The following CCT6B variants were observed in gnomAD, a reference collection of about 807,000 sequenced individuals.
CCT6B encodes chaperonin containing TCP1 subunit 6B.
Under a neutral mutation model 61.5 loss-of-function variants are expected in CCT6B, and 49 were observed. The ratio of observed to expected loss-of-function variants is 0.80; its 90% CI spans 0.63 to 1.01. The LOEUF (loss-of-function observed/expected upper bound fraction) is 1.01, where lower values mean the gene tolerates loss of function less well. CCT6B is among the 50% of genes least tolerant of loss of function. The pLI is 0.00. For synonymous variants in CCT6B, 228 were observed against 214.5 expected (o/e 1.06, Z -0.55); for missense variants, 666 against 634.7 (o/e 1.05, Z -0.53).
chr17:34,947,263 G>A (rs1287212878), intron 5 of CCT6B, among the ~76,000 whole-genome samples: 1 of 152,086 alleles, frequency 6.6e-6, no homozygotes, highest in Non-Finnish European at 1.5e-5. Flanking sequence ...ATAATGGATG[G>A]AAATTTTCCA....
At chr17:34,948,190 T>A (rs186897369) in intron 5 of CCT6B, among the ~76,000 whole-genome samples, 15 of 152,186 alleles carry the variant, frequency 9.9e-5, no homozygotes, top group Non-Finnish European at 4.4e-5. Flanking sequence ...CTTTTATCCC[T>A]CATCCTTCTC....
intron 1 of CCT6B, among the ~76,000 whole-genome samples, chr17:34,960,030 A>AG (rs2090394276): frequency 6.6e-6 from 1 of 152,218 alleles, no homozygotes; most frequent in Admixed American, 6.5e-5. Flanking sequence ...TGCATTTATT[A>AG]GATCACCAAG....
chr17:34,928,905 T>C, intron 13 of CCT6B, 57 bp downstream of exon 13: 1 of 1,006,894 alleles, frequency 9.9e-7, no homozygotes, highest in South Asian at 1.4e-5. Flanking sequence ...AAATTTCATC[T>C]TAATATTATC....
At chr17:34,949,087 G>T (rs953342654) in intron 5 of CCT6B, among the ~76,000 whole-genome samples, 32 of 846 alleles carry the variant, frequency 0.038, no homozygotes, top group East Asian at 0.28. Flanking sequence ...GAGGGGAGGG[G>T]AGGGGAGGGA....
In CCT6B at chr17:34,932,509, G is replaced by T; in HGVS notation, c.1214-9C>A. ...TCCAGGAACCATACAACCTATTGGA[G>T]AGAAAAAATATGATTGGCAAGACAT... On this transcript the variant is annotated splice_polypyrimidine_tract_variant and intron_variant, in intron 10 of 13. Coordinates refer to ENST00000314144, the MANE Select transcript of CCT6B (RefSeq NM_006584.4). 6.3e-7 allele frequency: 1 copy of T among 1,582,388 alleles called. No individual in the cohort carries two copies.
chr17:34,932,233 T>A, intron 11 of CCT6B, 134 bp downstream of exon 11: 1 of 779,808 alleles, frequency 1.3e-6, no homozygotes, highest in East Asian at 2.9e-5. Flanking sequence ...TTGTAAAATA[T>A]CTAAGAGAAA....
intron 12 of CCT6B, among the ~76,000 whole-genome samples, 191 bp downstream of exon 12, chr17:34,930,758 C>G (rs2090026486): frequency 6.6e-6 from 1 of 152,040 alleles, no homozygotes; most frequent in Non-Finnish European, 1.5e-5. Context: ...GTGTGAAGCC[C>G]AAGAGGAAAA....
intron 3 of CCT6B, among the ~76,000 whole-genome samples, chr17:34,956,630 A>G (rs1223616061): frequency 2.6e-5 from 4 of 152,090 alleles, no homozygotes; most frequent in Non-Finnish European, 4.4e-5. Flanking sequence ...GTGGATCCTG[A>G]TTAGTCTAAG....
Position 34,927,878 on chromosome 17 carries a change from T to C in CCT6B, c.*170A>G. 1 of 464,314 alleles carries C rather than the reference T, an allele frequency of 2.2e-6. No individual in the cohort carries two copies. Among genetic ancestry groups the C allele is most frequent in the Non-Finnish European group, 3.9e-6 (1 of 258,974 alleles). 28.8% of individuals were successfully genotyped at this position (464,314 alleles called of 1,614,324 possible). ...ATTATTCCTTTACTGTAAAAGTATT[T>C]ATTGTGTTCTTTATACCTTGATGAA... On this transcript the variant is annotated 3_prime_UTR_variant, in exon 14 of 14. Transcript: ENST00000314144.
chr17:34,951,879 A>C, intron 5 of CCT6B, 71 bp downstream of exon 5: 1 of 665,358 alleles, frequency 1.5e-6, no homozygotes. Flanking sequence ...AAAAGTAAGT[A>C]ATGAATTTAA....
intron 5 of CCT6B, among the ~76,000 whole-genome samples, chr17:34,946,010 A>C (rs1252287658): frequency 6.6e-6 from 1 of 152,232 alleles, no homozygotes; most frequent in Non-Finnish European, 1.5e-5. Context: ...AGCTCATCCA[A>C]GGTGGAGTGT....
At chr17:34,955,097 T>C (rs750116429) in intron 3 of CCT6B, among the ~76,000 whole-genome samples, 2 of 152,128 alleles carry the variant, frequency 1.3e-5, no homozygotes, top group East Asian at 1.9e-4. Context: ...CTAAGTTTAA[T>C]TGAGGAAATA....
At chr17:34,945,296 C>T (rs748877043) in intron 5 of CCT6B, among the ~76,000 whole-genome samples, 1 of 152,180 alleles carries the variant, frequency 6.6e-6, no homozygotes, top group Non-Finnish European at 1.5e-5. Context: ...ATTCTGAATT[C>T]GAGACACATC....
At chr17:34,929,582 C>T (rs543962904) in intron 12 of CCT6B, among the ~76,000 whole-genome samples, 40 of 149,256 alleles carry the variant, frequency 2.7e-4, no homozygotes, top group Admixed American at 6.1e-4. Context: ...GGTGCCATCT[C>T]GGCTCCCTGC....
chr17:34,954,755 C>T (rs1025696332), intron 3 of CCT6B, among the ~76,000 whole-genome samples, 156 bp from the exon 4 acceptor site: 3 of 152,182 alleles, frequency 2.0e-5, no homozygotes, highest in African/African-American at 7.2e-5. Flanking sequence ...GTGCTTCATA[C>T]TTGAAATAAT....
chr17:34,940,685 G>A, intron 7 of CCT6B, 64 bp from the exon 8 acceptor site: 1 of 814,204 alleles, frequency 1.2e-6, no homozygotes, highest in Non-Finnish European at 2.0e-6. Flanking sequence ...AAACCTTTTG[G>A]TCTCAGCACC....
At chr17:34,930,733 TG>T (rs1398395676) in intron 12 of CCT6B, among the ~76,000 whole-genome samples, 1 of 152,228 alleles carries the variant, frequency 6.6e-6, no homozygotes, top group African/African-American at 2.4e-5. Flanking sequence ...CAGATATTTT[TG>T]TCTGTTTTGT....
rs1371955023 is a variant in CCT6B, at chr17:34,940,497, C to T, written c.968+42G>A. 6.8e-6 allele frequency: 7 copies of T among 1,028,998 alleles called. No homozygotes were observed. In the South Asian group the frequency reaches 8.7e-5, roughly 13 times the overall value. The allele number at this position is 1,028,998 out of a possible 1,614,324, so 63.7% of individuals were successfully genotyped here. On this transcript the variant is annotated intron_variant, in intron 8 of 13. Coordinates refer to ENST00000314144, the MANE Select transcript of CCT6B (RefSeq NM_006584.4). ...AAACACATGGGATAGTTTCCATTTA[C>T]TCTGTTAAAAACTTAGGATATATAA... is the stretch of plus-strand genomic sequence containing the variant.
At chr17:34,948,658 G>A (rs1196864684) in intron 5 of CCT6B, among the ~76,000 whole-genome samples, 8 of 148,942 alleles carry the variant, frequency 5.4e-5, no homozygotes, top group South Asian at 4.3e-4. Context: ...AGATTGCAGT[G>A]AGCCAAGATC....
Sources: allele counts gnomAD v4.1 joint callset (sites outside exome capture counted in the v4.1 genomes callset), GRCh38; gene constraint gnomAD v4.1.1; transcripts MANE v1.5; gene names NCBI Gene and HGNC (gene_info 2026-07-23, HGNC 2026-07-21).